Variants in USP10 observed in about 807,000 individuals in gnomAD.
USP10 encodes the protein ubiquitin carboxyl-terminal hydrolase 10.
A neutral mutation model predicts 84.5 loss-of-function variants in USP10; 22 were observed. The observed-to-expected ratio is 0.26, with a 90% CI of 0.19 to 0.37. USP10 has a LOEUF of 0.37. USP10 is among the 10% of genes least tolerant of loss of function. The probability of loss-of-function intolerance (pLI) is 1.00; values close to 1 mark genes in which losing one functional copy is unlikely to be tolerated. For synonymous variants in USP10, 454 were observed against 387.6 expected (o/e 1.17, Z -2.01); for missense variants, 1,019 against 998.9 (o/e 1.02, Z -0.27).
intron 1 of USP10, among the ~76,000 whole-genome samples, chr16:84,727,807 T>A (rs561619101): frequency 6.6e-6 from 1 of 152,254 alleles, no homozygotes; most frequent in Non-Finnish European, 1.5e-5. Context: ...TTCCTAAGAA[T>A]AGGCATATTC....
chr16:84,700,987 C>T (rs927290007), intron 1 of USP10, among the ~76,000 whole-genome samples: 2 of 152,124 alleles, frequency 1.3e-5, no homozygotes, highest in African/African-American at 2.4e-5. Context: ...TTGCTTTAGA[C>T]TGCTAATTTG....
intron 8 of USP10, among the ~76,000 whole-genome samples, chr16:84,761,093 C>A (rs893581710): frequency 5.9e-5 from 9 of 152,088 alleles, no homozygotes; most frequent in African/African-American, 2.2e-4. Context: ...TTGGAATTTG[C>A]ACTTCCCAAG....
At chr16:84,777,764 C>T (rs1915168985) in intron 13 of USP10, among the ~76,000 whole-genome samples, 1 of 152,360 alleles carries the variant, frequency 6.6e-6, no homozygotes, top group South Asian at 2.1e-4. Context: ...GCGACTAGAA[C>T]CTGGTGATGT....
Position 84,745,111 on chromosome 16 carries a change from C to T in USP10, c.630C>T (p.Asn210=). 1 of 1,613,556 alleles carries T rather than the reference C, an allele frequency of 6.2e-7. No individual in the cohort carries two copies. Among genetic ancestry groups the T allele is most frequent in the South Asian group, 1.1e-5 (1 of 91,056 alleles). Residue 210 remains asparagine (N), a synonymous_variant, in exon 4 of 14, where the codon AAC becomes AAT. Coordinates refer to ENST00000219473, the MANE Select transcript of USP10 (RefSeq NM_005153.3). ...MPPSVTPRTC[N]SPQNSTDSVS... ...CGTCAGTTACGCCCAGGACTTGTAA[C>T]AGCCCCCAGAACTCCACAGACTCTG...
intron 4 of USP10, among the ~76,000 whole-genome samples, chr16:84,753,371 G>C (rs1472889577): frequency 6.6e-6 from 1 of 152,136 alleles, no homozygotes; most frequent in African/African-American, 2.4e-5. Context: ...GGTTTTCTCA[G>C]ACTCTCACAT....
intron 3 of USP10, 21 bp from the exon 4 acceptor site, chr16:84,744,612 A>C: frequency 6.4e-7 from 1 of 1,570,576 alleles, no homozygotes; most frequent in South Asian, 1.2e-5. Flanking sequence ...GTTCTTAACT[A>C]ATAGTTTTCT....
At chr16:84,736,954 AATTTTT>A (rs1306706596) in intron 2 of USP10, among the ~76,000 whole-genome samples, 2 of 151,968 alleles carry the variant, frequency 1.3e-5, no homozygotes, top group Non-Finnish European at 2.9e-5. Flanking sequence ...TCGCCCGGCT[AATTTTT>A]TGTGGTTTTA....
chr16:84,703,346 C>T (rs76655253), intron 1 of USP10, among the ~76,000 whole-genome samples: 1 of 152,138 alleles, frequency 6.6e-6, no homozygotes, highest in African/African-American at 2.4e-5. Context: ...CACAATAATG[C>T]TTCCTACACC....
At chr16:84,763,558 A>G (rs1382013490) in intron 9 of USP10, among the ~76,000 whole-genome samples, 1 of 152,224 alleles carries the variant, frequency 6.6e-6, no homozygotes, top group Non-Finnish European at 1.5e-5. Flanking sequence ...CCCTTATCTA[A>G]CTGAGAAAAA....
intron 4 of USP10, among the ~76,000 whole-genome samples, chr16:84,748,818 C>T (rs905213488): frequency 1.3e-5 from 2 of 152,156 alleles, no homozygotes; most frequent in African/African-American, 4.8e-5. Context: ...CTTTGTCAAA[C>T]ACTGAAAGTA....
At chr16:84,704,766 C>T (rs975155687) in intron 1 of USP10, 49 of 1,535,012 alleles carry the variant, frequency 3.2e-5, no homozygotes, top group Non-Finnish European at 3.8e-5. Context: ...CCATTTTCAT[C>T]AGATGACTTG....
intron 1 of USP10, among the ~76,000 whole-genome samples, chr16:84,722,045 A>G (rs1231505857): frequency 6.6e-6 from 1 of 152,164 alleles, no homozygotes; most frequent in Non-Finnish European, 1.5e-5. Context: ...CTACTACCAC[A>G]CTCCATATAT....
chr16:84,754,488 A>C (rs969336925), intron 4 of USP10, among the ~76,000 whole-genome samples: 3 of 152,144 alleles, frequency 2.0e-5, no homozygotes, highest in African/African-American at 7.2e-5. Flanking sequence ...AAGGGCCCGT[A>C]CGTATGTTCT....
intron 1 of USP10, among the ~76,000 whole-genome samples, chr16:84,731,352 A>C (rs1213572915): frequency 6.6e-6 from 1 of 151,792 alleles, no homozygotes; most frequent in Non-Finnish European, 1.5e-5. Context: ...CAGAGTAGCC[A>C]CGTTTCTACT....
intron 1 of USP10, among the ~76,000 whole-genome samples, chr16:84,702,993 C>CAAAAAAAAAAAAAAAAAAAAAAAAA (rs1157728872): frequency 1.9e-5 from 1 of 52,168 alleles, no homozygotes; most frequent in Non-Finnish European, 3.4e-5. Flanking sequence ...ACTCCCGTCT[C>CAAAAAAAAAAAAAAAAAAAAAAAAA]AAAAAAAAAA....
Position 84,745,691 on chromosome 16 carries a change from C to A in USP10, c.1192+18C>A. On this transcript the variant is annotated intron_variant, in intron 4 of 13. Transcript: ENST00000219473. The stretch of plus-strand genomic sequence containing the variant: ...GATTGCAGGTATAGTTGAAAAGATA[C>A]AAATCTAGAGTGAAGATGGGAGCAG... 6.3e-7 allele frequency: 1 copy of A among 1,590,616 alleles called. No homozygotes were observed. Among genetic ancestry groups the A allele is most frequent in the Non-Finnish European group, 8.6e-7 (1 of 1,167,542 alleles).
rs563102070 is a variant in USP10 at position 84,713,510 on chromosome 16, A to G, written c.21+13399A>G. Among the ~76,000 whole-genome samples the G allele has an allele frequency of 9.9e-5, 15 of 152,046 alleles. No individual in the cohort carries two copies. The East Asian group carries it at 2.7e-3, about 27-fold the overall frequency. ...TGGTTCACTCTCTCGTCCTCCCCCA[A>G]TGTAAGCTCCTTGAGGCCCCAATGT... On this transcript the variant is annotated intron_variant, in intron 1 of 13. Coordinates refer to ENST00000219473, the MANE Select transcript of USP10 (RefSeq NM_005153.3).
At chr16:84,755,969 C>T (rs192339932) in intron 4 of USP10, among the ~76,000 whole-genome samples, 2 of 152,188 alleles carry the variant, frequency 1.3e-5, no homozygotes, top group Non-Finnish European at 2.9e-5. Flanking sequence ...AGCACTGCTG[C>T]CCCAGTCAGT....
At chr16:84,772,498 A>G (rs370819796) in intron 11 of USP10, 43 bp from the exon 12 acceptor site, 61 of 1,608,822 alleles carry the variant, frequency 3.8e-5, no homozygotes, top group Admixed American at 5.0e-5. Context: ...AGCTGTTGCA[A>G]GTAAGACAGG....
Sources: gnomAD v4.1 joint callset for allele counts (sites outside exome capture counted in the v4.1 genomes callset) on GRCh38, gnomAD v4.1.1 for gene constraint, MANE v1.5 for transcripts, NCBI Gene and HGNC (gene_info 2026-07-23, HGNC 2026-07-21) for gene names.